DOCK10: variants seen among roughly 807,000 people sequenced by gnomAD.
DOCK10 encodes the protein dedicator of cytokinesis 10, also known as dedicator of cytokinesis protein 10.
DOCK10 carries 145 observed loss-of-function variants against 280.1 expected under a neutral mutation model. The observed-to-expected ratio is 0.52, with a 90% CI of 0.45 to 0.59. DOCK10 has a LOEUF of 0.59. Ranked by LOEUF, DOCK10 falls within the 20% of genes least tolerant of loss-of-function variation. The pLI is 0.00. For missense variants in DOCK10, 2,368 were observed against 2,651.7 expected (o/e 0.89, Z 2.35); for synonymous variants, 915 against 942.2 (o/e 0.97, Z 0.53).
chr2:224,995,208 T>C (rs1000753187), intron 1 of DOCK10, among the ~76,000 whole-genome samples: 1 of 152,226 alleles, frequency 6.6e-6, no homozygotes, highest in African/African-American at 2.4e-5. Context: ...TTGAAGTTTA[T>C]GACCAGTCTA....
intron 1 of DOCK10, among the ~76,000 whole-genome samples, chr2:225,035,542 T>TTATATATATATA (rs57424275): frequency 3.0e-4 from 15 of 50,012 alleles, no homozygotes; most frequent in South Asian, 8.4e-4. Flanking sequence ...ATGATATATA[T>TTATATATATATA]TATATATATA....
intron 1 of DOCK10, among the ~76,000 whole-genome samples, chr2:225,005,857 A>G (rs911157289): frequency 2.0e-5 from 3 of 152,220 alleles, no homozygotes; most frequent in South Asian, 2.1e-4. Context: ...ATATGATCCA[A>G]TGTTATTTAA....
chr2:224,895,282 G>T (rs766431794), intron 4 of DOCK10, among the ~76,000 whole-genome samples: 13 of 152,216 alleles, frequency 8.5e-5, no homozygotes, highest in Non-Finnish European at 1.9e-4. Flanking sequence ...TAGCAAAGTG[G>T]TTCCCAATTC....
chr2:224,870,872 G>A (rs1178460853), intron 11 of DOCK10, among the ~76,000 whole-genome samples: 2 of 133,262 alleles, frequency 1.5e-5, no homozygotes, highest in South Asian at 4.7e-4. Context: ...TGTCACCCAG[G>A]CTGGAGTGCA....
intron 1 of DOCK10, among the ~76,000 whole-genome samples, chr2:224,967,148 C>T (rs186181286): frequency 2.9e-4 from 43 of 150,048 alleles, no homozygotes; most frequent in Admixed American, 2.0e-3. Context: ...GGCGAGATCT[C>T]GGCTCACTGC....
At chr2:224,961,877 A>C (rs59874341) in intron 1 of DOCK10, among the ~76,000 whole-genome samples, 2,090 of 152,308 alleles carry the variant, frequency 0.014, 49 homozygotes, top group African/African-American at 0.047. Context: ...TGTGCAACTG[A>C]GTCTCAGTGA....
chr2:224,922,889 T>G (rs751381877), intron 2 of DOCK10, among the ~76,000 whole-genome samples: 1 of 152,210 alleles, frequency 6.6e-6, no homozygotes, highest in Non-Finnish European at 1.5e-5. Context: ...TGGGGAGTTA[T>G]AAGCCTCACA....
chr2:224,792,316 C>T (rs1692256059), intron 47 of DOCK10, among the ~76,000 whole-genome samples: 2 of 152,062 alleles, frequency 1.3e-5, no homozygotes, highest in Non-Finnish European at 2.9e-5. Context: ...CGGAGTCTCA[C>T]TCTGTTGCCC....
At chr2:224,850,997 G>T (rs1696692621) in intron 18 of DOCK10, among the ~76,000 whole-genome samples, 1 of 152,156 alleles carries the variant, frequency 6.6e-6, no homozygotes, top group Admixed American at 6.5e-5. Context: ...CTGGTCTAGA[G>T]TTAAGGTCTT....
rs771925566 is a variant in DOCK10, at chr2:224,874,303, T to C, written c.1064A>G (p.Glu355Gly). The change falls in exon 10 of 56, where the codon GAG becomes GGG. Residue 355 changes from glutamate (E) to glycine (G), a missense_variant. Glu to Gly is a moderately conservative substitution (Grantham distance 98, BLOSUM62 -2). Transcript: ENST00000258390. Reference protein sequence around the residue: ...EDTVKTTRNMERLNLFSLDPD... With the variant: ...EDTVKTTRNMGRLNLFSLDPD... Reference sequence around the variant, plus strand: ...ATCTAGAGAGAACAGATTTAGCCTCTCCATGTTTCGAGTTGTTTTTACAGT... The same window carrying C: ...ATCTAGAGAGAACAGATTTAGCCTCCCCATGTTTCGAGTTGTTTTTACAGT... The C allele has an allele frequency of 5.0e-6, 8 of 1,613,446 alleles. No individual in the cohort carries two copies. Among genetic ancestry groups the C allele is most frequent in the Non-Finnish European group, 6.8e-6 (8 of 1,179,694 alleles).
intron 55 of DOCK10, chr2:224,768,764 G>A (rs1479645195): frequency 6.7e-6 from 2 of 299,874 alleles, no homozygotes; most frequent in South Asian, 5.6e-5. Context: ...AAAACTTAGA[G>A]AGCACTAGCT....
At position 224,765,845 on chromosome 2, in the gene DOCK10, C is replaced by T. The variant is rs939032086; in HGVS notation, c.6445-8G>A. On this transcript the variant is annotated splice_region_variant and splice_polypyrimidine_tract_variant and intron_variant, in intron 55 of 55. Transcript: ENST00000258390. ...GTCGTCCCTGCCCGTAATCTTAAAA[C>T]AGGGAAAAACACAACACAACAGAAT... 7 of 1,606,076 alleles carry T rather than the reference C, an allele frequency of 4.4e-6. No homozygotes were observed. The South Asian group carries it at 6.6e-5, about 15-fold the overall frequency.
chr2:224,942,944 G>A (rs559691445), intron 1 of DOCK10, among the ~76,000 whole-genome samples: 97 of 152,198 alleles, frequency 6.4e-4, no homozygotes, highest in African/African-American at 2.2e-3. Context: ...GATTGATATA[G>A]TAATTCAACT....
intron 1 of DOCK10, among the ~76,000 whole-genome samples, chr2:224,957,289 C>CCCT (rs10687430): frequency 6.8e-6 from 1 of 146,268 alleles, no homozygotes; most frequent in East Asian, 2.0e-4. Context: ...CTTTCCGCCC[C>CCCT]CCCCCGGCTT....
chr2:224,963,230 A>G (rs1704548942), intron 1 of DOCK10, among the ~76,000 whole-genome samples: 1 of 152,182 alleles, frequency 6.6e-6, no homozygotes, highest in Admixed American at 6.5e-5. Context: ...TTCACGTTTA[A>G]GACCATGTCT....
chr2:225,042,279 C>T lies in DOCK10; in HGVS notation c.96G>A (p.Val32=). ...LRHSAASAAA[V]AVSSRQQQRQ... ...GCTGCTGCTGCCGGCTGCTGACTGC[C>T]ACCGCGGCGGCGGACGCGGCGCTGT... is the stretch of plus-strand genomic sequence containing the variant. Residue 32 remains valine (V), a synonymous_variant, in exon 1 of 56, where the codon GTG becomes GTA. Coordinates refer to ENST00000258390, the MANE Select transcript of DOCK10 (RefSeq NM_014689.3). The surrounding 1 kb of genome is among the most constrained non-coding windows in gnomAD (Gnocchi z 5.1). 1 of 1,337,314 alleles carries T rather than the reference C, an allele frequency of 7.5e-7. No individual in the cohort carries two copies. The highest frequency in any genetic ancestry group is 9.6e-7 in the Non-Finnish European group (1 of 1,042,416). The allele number at this position is 1,337,314 out of a possible 1,614,324, so 82.8% of individuals were successfully genotyped here.
At chr2:224,976,903 G>A (rs925808058) in intron 1 of DOCK10, among the ~76,000 whole-genome samples, 2 of 152,278 alleles carry the variant, frequency 1.3e-5, no homozygotes, top group South Asian at 2.1e-4. Flanking sequence ...CTCAAGCACT[G>A]TATGGCTGCA....
rs138784542 is a variant in DOCK10, at chr2:224,898,723, C to T, written c.334-2346G>A. On this transcript the variant is annotated intron_variant, in intron 3 of 55. Transcript: ENST00000258390. ...TCCGGAGTAGCCAGGACTACAGGTG[C>T]CCGCCACCACGCCGGGCTAATTTTT... Among the ~76,000 whole-genome samples the T allele has an allele frequency of 1.7e-3, 263 of 152,268 alleles. 2 individuals carry two copies. The Middle Eastern group carries it at 0.027, about 16-fold the overall frequency.
At chr2:224,984,343 G>T (rs1705901263) in intron 1 of DOCK10, among the ~76,000 whole-genome samples, 1 of 152,214 alleles carries the variant, frequency 6.6e-6, no homozygotes, top group African/African-American at 2.4e-5. Flanking sequence ...CTCTAAATCT[G>T]GCTGACCTCT....
Sources: allele counts gnomAD v4.1 joint callset (sites outside exome capture counted in the v4.1 genomes callset), GRCh38; gene constraint gnomAD v4.1.1; non-coding constraint Gnocchi (gnomAD v3.1); transcripts MANE v1.5; gene names NCBI Gene and HGNC (gene_info 2026-07-23, HGNC 2026-07-21).